The following CWC27 variants were observed in gnomAD, a reference collection of about 807,000 sequenced individuals.
CWC27 encodes the protein spliceosome-associated protein CWC27 homolog.
Under a neutral mutation model 63.6 loss-of-function variants are expected in CWC27, and 47 were observed. The observed-to-expected ratio is 0.74, with a 90% CI of 0.58 to 0.94. CWC27 has a LOEUF of 0.94. CWC27 is among the 40% of genes least tolerant of loss of function. CWC27 has a pLI of 0.00. For missense variants in CWC27, 495 were observed against 554.3 expected, an observed-to-expected ratio of 0.89 and a Z score of 1.07; for synonymous variants, 175 against 179.8, an observed-to-expected ratio of 0.97 and a Z score of 0.22.
chr5:64,820,398 G>T lies in CWC27; in HGVS notation c.938+16012G>T, dbSNP rs199904993. Among the ~76,000 whole-genome samples the T allele has an allele frequency of 3.5e-5, 2 of 56,988 alleles. 1 individual carries two copies. The highest frequency in any genetic ancestry group is 1.2e-3 in the South Asian group (2 of 1,662). The allele number at this position is 56,988 out of a possible 152,430, so 37.4% of individuals were successfully genotyped here. Reference sequence around the variant, plus strand: ...TCACTCAAGTTCTGTTTAACTTTTTGTTGTTGTTGTTGTTGTTATATTTTC... The same window carrying T: ...TCACTCAAGTTCTGTTTAACTTTTTTTTGTTGTTGTTGTTGTTATATTTTC... On this transcript the variant is annotated intron_variant, in intron 10 of 13. Coordinates refer to ENST00000381070, the MANE Select transcript of CWC27 (RefSeq NM_005869.4).
intron 2 of CWC27, among the ~76,000 whole-genome samples, chr5:64,779,302 G>C (rs1350160928): frequency 2.0e-5 from 3 of 152,182 alleles, no homozygotes; most frequent in Admixed American, 2.0e-4. Context: ...GCATGTGATT[G>C]AATCATGACT....
chr5:64,873,168 C>T (rs984772413), intron 10 of CWC27, among the ~76,000 whole-genome samples: 3 of 151,976 alleles, frequency 2.0e-5, no homozygotes, highest in Non-Finnish European at 2.9e-5. Flanking sequence ...ATAAGCTTTT[C>T]GTTTTGTTTT....
intron 11 of CWC27, among the ~76,000 whole-genome samples, chr5:64,933,446 C>T (rs1748279773): frequency 6.6e-6 from 1 of 151,674 alleles, no homozygotes; most frequent in South Asian, 2.1e-4. Flanking sequence ...TTGCACATTG[C>T]ATTGCTCTCT....
intron 10 of CWC27, among the ~76,000 whole-genome samples, chr5:64,864,138 A>G (rs1335376676): frequency 6.6e-6 from 1 of 152,186 alleles, no homozygotes; most frequent in Non-Finnish European, 1.5e-5. Flanking sequence ...AAGGGTGGCA[A>G]ATGAGGTTTT....
intron 11 of CWC27, among the ~76,000 whole-genome samples, chr5:64,942,438 TAAAAAA>T (rs35936421): frequency 3.6e-4 from 35 of 96,530 alleles, no homozygotes; most frequent in East Asian, 1.7e-3. Flanking sequence ...CCTATCTCTT[TAAAAAA>T]AAAAAAAAAA....
chr5:64,984,427 T>C (rs979535876), intron 13 of CWC27, among the ~76,000 whole-genome samples: 3 of 152,268 alleles, frequency 2.0e-5, no homozygotes, highest in Non-Finnish European at 4.4e-5. Flanking sequence ...TGTACCATAC[T>C]GTTACCACTG....
chr5:64,959,798 T>C (rs903360973), intron 11 of CWC27, among the ~76,000 whole-genome samples: 1 of 152,224 alleles, frequency 6.6e-6, no homozygotes, highest in African/African-American at 2.4e-5. Context: ...AAAAATGATC[T>C]ATCTGTTTAT....
intron 7 of CWC27, among the ~76,000 whole-genome samples, chr5:64,791,742 GC>G (rs1306741454): frequency 6.6e-6 from 1 of 152,024 alleles, no homozygotes; most frequent in Non-Finnish European, 1.5e-5. Flanking sequence ...AGTTTATCAA[GC>G]CCTGGGGAAG....
intron 10 of CWC27, among the ~76,000 whole-genome samples, chr5:64,864,115 G>A (rs937207114): frequency 9.2e-5 from 14 of 152,012 alleles, no homozygotes; most frequent in African/African-American, 1.9e-4. Flanking sequence ...TAACAATTGC[G>A]ATAGTCACCT....
At chr5:64,872,768 A>G (rs189797337) in intron 10 of CWC27, among the ~76,000 whole-genome samples, 11 of 152,276 alleles carry the variant, frequency 7.2e-5, no homozygotes, top group Admixed American at 5.2e-4. Context: ...TTAAATCCTG[A>G]TCGACATCAT....
chr5:64,977,831 A>G (rs1749256204), intron 13 of CWC27, among the ~76,000 whole-genome samples: 1 of 152,126 alleles, frequency 6.6e-6, no homozygotes, highest in Non-Finnish European at 1.5e-5. Context: ...AAAGGAATAA[A>G]AATTGTGTTT....
chr5:64,974,493 G>C (rs2968200), intron 12 of CWC27, among the ~76,000 whole-genome samples: 3 of 151,878 alleles, frequency 2.0e-5, no homozygotes, highest in Non-Finnish European at 4.4e-5. Flanking sequence ...AGACTTATTC[G>C]CTATCACGAG....
chr5:64,780,072 C>T (rs1359733380), intron 2 of CWC27, among the ~76,000 whole-genome samples: 3 of 152,106 alleles, frequency 2.0e-5, no homozygotes, highest in African/African-American at 7.2e-5. Flanking sequence ...ACCCCTCCTC[C>T]ACCCACAGCC....
intron 11 of CWC27, among the ~76,000 whole-genome samples, chr5:64,929,791 T>C (rs1748201042): frequency 6.6e-6 from 1 of 151,804 alleles, no homozygotes. Context: ...GTACAACTGC[T>C]TTGGAAAAAA....
chr5:64,929,732 A>G (rs774274054), intron 11 of CWC27, among the ~76,000 whole-genome samples: 21 of 152,220 alleles, frequency 1.4e-4, no homozygotes, highest in Admixed American at 3.3e-4. Context: ...ATGGGCAAGG[A>G]CGTGGAGAAA....
chr5:64,880,067 T>A (rs746336132), intron 10 of CWC27, among the ~76,000 whole-genome samples: 13 of 151,990 alleles, frequency 8.6e-5, no homozygotes, highest in Non-Finnish European at 1.6e-4. Context: ...TTCCTACTTA[T>A]CACTTATCTT....
chr5:64,903,737 G>A (rs571892734), intron 11 of CWC27, among the ~76,000 whole-genome samples: 3 of 152,178 alleles, frequency 2.0e-5, no homozygotes, highest in African/African-American at 7.2e-5. Flanking sequence ...TTTTAGAGGA[G>A]TTTAGACCTA....
chr5:64,786,661 A>G, intron 6 of CWC27, 34 bp downstream of exon 6: 1 of 1,262,844 alleles, frequency 7.9e-7, no homozygotes, highest in Non-Finnish European at 1.1e-6. Flanking sequence ...CTTCAGCTTG[A>G]AAAATGACAC....
At chr5:64,857,062 A>G (rs867400417) in intron 10 of CWC27, among the ~76,000 whole-genome samples, 1 of 152,212 alleles carries the variant, frequency 6.6e-6, no homozygotes, top group Non-Finnish European at 1.5e-5. Context: ...AAAAGGTACC[A>G]TATTGGAGAT....
Sources: gnomAD v4.1 joint callset for allele counts (sites outside exome capture counted in the v4.1 genomes callset) on GRCh38, gnomAD v4.1.1 for gene constraint, MANE v1.5 for transcripts, NCBI Gene and HGNC (gene_info 2026-07-23, HGNC 2026-07-21) for gene names.